The following CYGB variants were observed in gnomAD, a reference collection of about 807,000 sequenced individuals.
CYGB encodes the protein histoglobin.
In CYGB, 13 loss-of-function variants were observed where a neutral mutation model predicts 20.7. The observed-to-expected ratio is 0.63, with a 90% CI of 0.41 to 1.00. The LOEUF (loss-of-function observed/expected upper bound fraction) is 1.00. Ranked by LOEUF, CYGB falls within the 50% of genes least tolerant of loss-of-function variation. The pLI is 0.00. For synonymous variants in CYGB, 93 were observed against 107.4 expected (o/e 0.87, Z 0.83); for missense variants, 218 against 257.2 (o/e 0.85, Z 1.04).
At chr17:76,534,130 C>T (rs994759741) in intron 1 of CYGB, among the ~76,000 whole-genome samples, 1 of 144,432 alleles carries the variant, frequency 6.9e-6, no homozygotes, top group African/African-American at 2.6e-5. Flanking sequence ...TTCTTTCTTT[C>T]TCTCTCTCTT....
intron 1 of CYGB, among the ~76,000 whole-genome samples, chr17:76,547,975 T>A (rs1288580981): frequency 6.7e-6 from 1 of 148,922 alleles, no homozygotes; most frequent in African/African-American, 2.5e-5. Context: ...CACATAAACA[T>A]ACACATACAT....
Position 76,537,699 on chromosome 17 carries a change from G to GGGGT in CYGB, c.-158_-157insACCC. 1.8e-6 allele frequency: 1 copy of GGGGT among 555,660 alleles called. No homozygotes were observed. The highest frequency in any genetic ancestry group is 2.3e-6 in the Non-Finnish European group (1 of 440,442). The allele number at this position is 555,660 out of a possible 1,614,324, so 34.4% of individuals were successfully genotyped here. ...AGGGAGCGTGTGTCTGTGCGCGCCG[G>GGGGT]GTGTGTGTGTGTGTGTGCGTGCGTG... On this transcript the variant is annotated 5_prime_UTR_variant, in exon 1 of 4. Transcript: ENST00000293230.
At chr17:76,539,974 C>T (rs916560759), upstream of CYGB, 4 of 687,842 alleles carry the variant, frequency 5.8e-6, no homozygotes, top group Non-Finnish European at 5.0e-6. Flanking sequence ...TCAGTCCTCA[C>T]AAGGTCGGGG....
At position 76,530,928 on chromosome 17, in the gene CYGB, C is replaced by A; in HGVS notation, c.539+51G>T. 2 of 1,522,794 alleles carry A rather than the reference C, an allele frequency of 1.3e-6. No individual in the cohort carries two copies. The highest frequency in any genetic ancestry group is 1.8e-6 in the Non-Finnish European group (2 of 1,131,232). 94.3% of individuals were successfully genotyped at this position (1,522,794 alleles called of 1,614,324 possible). A position where few individuals can be genotyped will look rare whatever the true frequency, so the allele number is the denominator to read the frequency against. ...GAGATATGGGAGACCTCGGGGACAG[C>A]AGAGGACATGGCGGGGAGGCTGCCC... is the stretch of plus-strand genomic sequence containing the variant. On this transcript the variant is annotated intron_variant, in intron 3 of 3. Coordinates refer to ENST00000293230, the MANE Select transcript of CYGB (RefSeq NM_134268.5). This position sits in a 1 kb window ranked among gnomAD's most constrained non-coding sequence, Gnocchi z 6.1.
Position 76,528,419 on chromosome 17 carries a change from A to T in CYGB, c.*159T>A. ...GCCAGCGCCGCCTCCCAGCAGCTCC[A>T]GGGGGGGACCCTGGCCGCCACAGAG... On this transcript the variant is annotated 3_prime_UTR_variant, in exon 4 of 4. Coordinates refer to ENST00000293230, the MANE Select transcript of CYGB (RefSeq NM_134268.5). This position sits in a 1 kb window ranked among gnomAD's most constrained non-coding sequence, Gnocchi z 5.8. 1 of 632,838 alleles carries T rather than the reference A, an allele frequency of 1.6e-6. No homozygotes were observed. Among genetic ancestry groups the T allele is most frequent in the Non-Finnish European group, 2.3e-6 (1 of 432,632 alleles). 39.2% of individuals were successfully genotyped at this position (632,838 alleles called of 1,614,324 possible).
At position 76,531,454 on chromosome 17, in the gene CYGB, G is replaced by GC. The variant is rs757741536; in HGVS notation, c.375+5dup. The GC allele has an allele frequency of 1.2e-6, 2 of 1,600,658 alleles. No homozygotes were observed. Among genetic ancestry groups the GC allele is most frequent in the East Asian group, 4.5e-5 (2 of 44,434 alleles). ...TGGGGGCTCTGCAGCAGATGGGGGC[G>GC]CATACCTTGAAGTACACCGGTTCCA... On this transcript the variant is annotated splice_donor_region_variant and intron_variant, in intron 2 of 3. Coordinates refer to ENST00000293230, the MANE Select transcript of CYGB (RefSeq NM_134268.5). This position sits in a 1 kb window ranked among gnomAD's most constrained non-coding sequence, Gnocchi z 7.4.
chr17:76,535,560 C>A (rs2074904793), intron 1 of CYGB, among the ~76,000 whole-genome samples: 1 of 152,092 alleles, frequency 6.6e-6, no homozygotes, highest in Non-Finnish European at 1.5e-5. Context: ...GGGCTCTAGT[C>A]CACAAAGAAG....
rs1222272125 is a variant in CYGB at position 76,533,054 on chromosome 17, A to T, written c.144-1363T>A. 6.6e-6 allele frequency among the ~76,000 whole-genome samples: 1 copy of T among 152,202 alleles called. No homozygotes were observed. The highest frequency in any genetic ancestry group is 2.4e-5 in the African/African-American group (1 of 41,450). On this transcript the variant is annotated intron_variant, in intron 1 of 3. Coordinates refer to ENST00000293230, the MANE Select transcript of CYGB (RefSeq NM_134268.5). This position sits in a 1 kb window ranked among gnomAD's most constrained non-coding sequence, Gnocchi z 4.5. ...GAAGTAGCCCTTTGGCCAGGAGTCG[A>T]GTCTCAGATGTGAGGGCTGGAACAG...
Position 76,531,678 on chromosome 17 carries a change from A to G in CYGB, c.157T>C (p.Phe53Leu). The G allele has an allele frequency of 6.3e-7, 1 of 1,594,856 alleles. No individual in the cohort carries two copies. The highest frequency in any genetic ancestry group is 8.6e-7 in the Non-Finnish European group (1 of 1,164,388). The change falls in exon 2 of 4, where the codon TTC becomes CTC. Residue 53 changes from phenylalanine to leucine, a missense_variant. Physicochemically the swap from Phe to Leu is conservative, Grantham distance 22 (BLOSUM62 0). This residue lies in a region of CYGB where 152 missense variants were observed against 149.9 expected (regional missense o/e 1.01). Coordinates refer to ENST00000293230, the MANE Select transcript of CYGB (RefSeq NM_134268.5). The surrounding 1 kb of genome is among the most constrained non-coding windows in gnomAD (Gnocchi z 7.4). ...VAILVRFFVN[F>L]PSAKQYFSQF... ...CTGAAGTACTGCTTGGCCGAGGGGA[A>G]GTTCACAAAGAACCTGGCAAGAGGA... is the stretch of plus-strand genomic sequence containing the variant.
intron 3 of CYGB, chr17:76,529,026 G>GC: frequency 2.0e-6 from 2 of 981,362 alleles, no homozygotes; most frequent in Non-Finnish European, 2.4e-6. Flanking sequence ...TACACACAGC[G>GC]CCCCCTGCAG....
At position 76,527,447 on chromosome 17, in the gene CYGB, GGAT is replaced by G. The variant is rs1373767951; in HGVS notation, c.*1128_*1130del. ...GGAGGACGGGCGGTTGCACAGATGA[GGAT>G]GAGGATGAAGATGAGGATGAGGATG... On this transcript the variant is annotated 3_prime_UTR_variant, in exon 4 of 4. Coordinates refer to ENST00000293230, the MANE Select transcript of CYGB (RefSeq NM_134268.5). The G allele has an allele frequency of 8.0e-6, 3 of 376,204 alleles. No individual in the cohort carries two copies. Among genetic ancestry groups the G allele is most frequent in the Non-Finnish European group, 1.6e-5 (3 of 189,930 alleles). The allele number at this position is 376,204 out of a possible 1,614,324, so 23.3% of individuals were successfully genotyped here. A position where few individuals can be genotyped will look rare whatever the true frequency, so the allele number is the denominator to read the frequency against.
chr17:76,531,166 G>T lies in CYGB; in HGVS notation c.376-24C>A, dbSNP rs1252157555. 4.4e-6 allele frequency: 7 copies of T among 1,605,644 alleles called. No individual in the cohort carries two copies. Among genetic ancestry groups the T allele is most frequent in the Admixed American group, 3.4e-5 (2 of 59,524 alleles). ...ATCTGGGGGCAAAGGGAGGAAGGGG[G>T]AGTGAACGCCCGGGCGCCCTGCGTC... On this transcript the variant is annotated intron_variant, in intron 2 of 3. Transcript: ENST00000293230. This position sits in a 1 kb window ranked among gnomAD's most constrained non-coding sequence, Gnocchi z 7.4.
Position 76,530,122 on chromosome 17 carries a change from G to GGAATGTTTCTCTACCACGT in CYGB, c.539+856_539+857insACGTGGTAGAGAAACATTC. The GGAATGTTTCTCTACCACGT allele has an allele frequency of 1.0e-6, 1 of 981,468 alleles. No individual in the cohort carries two copies. The highest frequency in any genetic ancestry group is 1.2e-6 in the Non-Finnish European group (1 of 827,222). The allele number at this position is 981,468 out of a possible 1,614,324, so 60.8% of individuals were successfully genotyped here. A position where few individuals can be genotyped will look rare whatever the true frequency, so the allele number is the denominator to read the frequency against. On this transcript the variant is annotated intron_variant, in intron 3 of 3. Coordinates refer to ENST00000293230, the MANE Select transcript of CYGB (RefSeq NM_134268.5). The surrounding 1 kb of genome is among the most constrained non-coding windows in gnomAD (Gnocchi z 6.1). ...CTGCTGGGAATGTTTCTCTACCACG[G>GGAATGTTTCTCTACCACGT]GAATGTTTCTCTACCACGCGTGTCC... is the stretch of plus-strand genomic sequence containing the variant.
At chr17:76,542,572 T>C, upstream of CYGB, 1 of 1,614,178 alleles carries the variant, frequency 6.2e-7, no homozygotes, top group Non-Finnish European at 8.5e-7. Flanking sequence ...ACCTCTGAAG[T>C]AAGCCCTCAC....
At chr17:76,538,174 C>G (rs962140507), upstream of CYGB, 1 of 157,176 alleles carries the variant, frequency 6.4e-6, no homozygotes, top group African/African-American at 2.4e-5. Flanking sequence ...CGACCGCCAG[C>G]CCGCCCGTGG....
chr17:76,549,397 A>G (rs2075086028), intron 1 of CYGB, among the ~76,000 whole-genome samples: 1 of 152,226 alleles, frequency 6.6e-6, no homozygotes, highest in Non-Finnish European at 1.5e-5. Flanking sequence ...GGAAAGAAGA[A>G]AGATACTCCA....
upstream of CYGB, among the ~76,000 whole-genome samples, chr17:76,541,936 T>A (rs2074997007): frequency 6.6e-6 from 1 of 152,376 alleles, no homozygotes; most frequent in South Asian, 2.1e-4. Context: ...CCATAAATGC[T>A]AGCAGCTGTC....
At chr17:76,542,476 G>A (rs1212291420), upstream of CYGB, 17 of 1,536,370 alleles carry the variant, frequency 1.1e-5, no homozygotes, top group Admixed American at 1.7e-5. Flanking sequence ...AGGGATGGGA[G>A]GAGGAGGAAG....
Position 76,533,156 on chromosome 17 carries a change from C to G in CYGB, c.144-1465G>C, listed in dbSNP as rs887578683. Reference sequence around the variant, plus strand: ...TTGGCGGGGAAGTTTGCACAGTGACCAGGGCACAGTCTGTGTGGAGACTCA... The same window carrying G: ...TTGGCGGGGAAGTTTGCACAGTGACGAGGGCACAGTCTGTGTGGAGACTCA... On this transcript the variant is annotated intron_variant, in intron 1 of 3. Transcript: ENST00000293230. The surrounding 1 kb of genome is among the most constrained non-coding windows in gnomAD (Gnocchi z 4.5). Among the ~76,000 whole-genome samples, 10 of 152,146 alleles carry G rather than the reference C, an allele frequency of 6.6e-5. No individual in the cohort carries two copies. Among genetic ancestry groups the G allele is most frequent in the African/African-American group, 2.4e-4 (10 of 41,448 alleles).
Sources: gnomAD v4.1 joint callset for allele counts (sites outside exome capture counted in the v4.1 genomes callset) on GRCh38, gnomAD v4.1.1 for gene constraint, gnomAD v4.1.1 regional missense constraint, Gnocchi (gnomAD v3.1) non-coding constraint, MANE v1.5 for transcripts, NCBI Gene and HGNC (gene_info 2026-07-23, HGNC 2026-07-21) for gene names.